Variants in ATP6V0A4 observed in about 807,000 individuals in gnomAD.
ATP6V0A4 encodes V-type proton ATPase 116 kDa subunit a 4.
ATP6V0A4 carries 86 observed loss-of-function variants against 107.3 expected under a neutral mutation model. The ratio of observed to expected loss-of-function variants is 0.80; its 90% CI spans 0.67 to 0.96. The LOEUF is 0.96. Among genes scored for constraint, ATP6V0A4 ranks in the 40% least tolerant of loss-of-function variants. ATP6V0A4 has a pLI of 0.00. For missense variants in ATP6V0A4, 908 were observed against 1,045.6 expected (o/e 0.87, Z 1.81); for synonymous variants, 353 against 381.4 (o/e 0.93, Z 0.87).
At chr7:138,760,117 C>T (rs561830280) in intron 7 of ATP6V0A4, among the ~76,000 whole-genome samples, 1 of 152,244 alleles carries the variant, frequency 6.6e-6, no homozygotes, top group East Asian at 1.9e-4. Flanking sequence ...CTTAATCATT[C>T]CAATACTATA....
intron 15 of ATP6V0A4, among the ~76,000 whole-genome samples, chr7:138,734,493 G>T (rs916988874): frequency 2.0e-5 from 3 of 152,088 alleles, no homozygotes; most frequent in Non-Finnish European, 2.9e-5. Context: ...CAAATTGCTG[G>T]AAGGAAACAG....
At chr7:138,797,188 C>T (rs1418736502) in intron 1 of ATP6V0A4, among the ~76,000 whole-genome samples, 1 of 151,762 alleles carries the variant, frequency 6.6e-6, no homozygotes, top group African/African-American at 2.4e-5. Context: ...TCCTTCAAGG[C>T]CCAGGCCAAA....
chr7:138,727,040 G>GA (rs978687073), intron 18 of ATP6V0A4, among the ~76,000 whole-genome samples: 32 of 125,044 alleles, frequency 2.6e-4, no homozygotes, highest in African/African-American at 5.1e-4. Context: ...TTAGTTCCTA[G>GA]AAAAAAAAAA....
intron 5 of ATP6V0A4, among the ~76,000 whole-genome samples, chr7:138,763,994 GTA>G (rs1240631340): frequency 6.9e-6 from 1 of 145,216 alleles, no homozygotes. Flanking sequence ...ATATATATAT[GTA>G]TATATATACA....
At chr7:138,747,621 C>A in intron 12 of ATP6V0A4, 57 bp from the exon 13 acceptor site, 1 of 1,599,494 alleles carries the variant, frequency 6.3e-7, no homozygotes, top group Non-Finnish European at 8.5e-7. Flanking sequence ...GGGCCCCCAC[C>A]TCAGATTCCC....
chr7:138,707,306 A>ATATT (rs1163394874), intron 21 of ATP6V0A4, among the ~76,000 whole-genome samples: 1 of 88,216 alleles, frequency 1.1e-5, no homozygotes, highest in African/African-American at 5.0e-5. Context: ...AAATATATTT[A>ATATT]TATTTATTTA....
intron 5 of ATP6V0A4, 181 bp from the exon 6 acceptor site, chr7:138,763,206 C>T (rs1402412205): frequency 1.9e-5 from 7 of 369,418 alleles, no homozygotes; most frequent in Non-Finnish European, 2.6e-5. Context: ...CACACACACA[C>T]ACACACGTGC....
intron 16 of ATP6V0A4, 129 bp from the exon 17 acceptor site, chr7:138,733,222 G>A (rs1040891264): frequency 2.6e-5 from 38 of 1,463,082 alleles, no homozygotes; most frequent in East Asian, 7.4e-5. Context: ...GGCAAACAAC[G>A]GCACCCCCCA....
intron 2 of ATP6V0A4, among the ~76,000 whole-genome samples, chr7:138,777,498 C>T (rs1278040491): frequency 6.6e-6 from 1 of 151,836 alleles, no homozygotes; most frequent in Non-Finnish European, 1.5e-5. Context: ...TGCCTGTAAT[C>T]CCAGCTACTC....
chr7:138,745,262 GGAA>G lies in ATP6V0A4; in HGVS notation c.1336_1338del (p.Phe446del), dbSNP rs1805856050. 4.3e-6 allele frequency: 7 copies of G among 1,614,082 alleles called. No individual in the cohort carries two copies. The highest frequency in any genetic ancestry group is 5.9e-6 in the Non-Finnish European group (7 of 1,179,978). ...ATAAGTAGGATCAGATAGCGCCCGT[GGAA>G]GAAGGTGTTCCAAATCTGGCCTCAG... On this transcript the variant is annotated inframe_deletion, in exon 14 of 22. Transcript: ENST00000310018.
At chr7:138,766,028 A>T (rs1432420699) in intron 5 of ATP6V0A4, among the ~76,000 whole-genome samples, 2 of 152,140 alleles carry the variant, frequency 1.3e-5, no homozygotes, top group East Asian at 1.9e-4. Flanking sequence ...CTGGGATTAC[A>T]GGCATGAGCC....
intron 2 of ATP6V0A4, among the ~76,000 whole-genome samples, chr7:138,776,784 C>T (rs563026134): frequency 1.3e-5 from 2 of 152,306 alleles, no homozygotes; most frequent in East Asian, 3.9e-4. Flanking sequence ...CATGCGTGAC[C>T]TTGGGAAAGC....
chr7:138,787,416 A>C (rs1196153612), intron 1 of ATP6V0A4, among the ~76,000 whole-genome samples: 1 of 152,186 alleles, frequency 6.6e-6, no homozygotes, highest in African/African-American at 2.4e-5. Context: ...AAGTGACAAC[A>C]TGAAAACTGG....
intron 17 of ATP6V0A4, among the ~76,000 whole-genome samples, chr7:138,731,426 T>C (rs930507740): frequency 2.9e-4 from 44 of 152,182 alleles, no homozygotes; most frequent in Admixed American, 2.9e-3. Context: ...TCCAGAGGAA[T>C]CAGGACCTAT....
At chr7:138,771,398 G>GA in intron 2 of ATP6V0A4, 134 bp from the exon 3 acceptor site, 27 of 886,514 alleles carry the variant, frequency 3.0e-5, no homozygotes, top group African/African-American at 3.7e-5. Context: ...GATTTTAGGA[G>GA]ACTTTTTTTT....
At chr7:138,770,010 C>T (rs1449745964) in intron 3 of ATP6V0A4, among the ~76,000 whole-genome samples, 1 of 152,078 alleles carries the variant, frequency 6.6e-6, no homozygotes, top group Non-Finnish European at 1.5e-5. Flanking sequence ...GTGATTGTGC[C>T]ACTGCACTCC....
At chr7:138,759,909 A>C (rs1806714187) in intron 7 of ATP6V0A4, 31 bp from the exon 8 acceptor site, 1 of 1,613,726 alleles carries the variant, frequency 6.2e-7, no homozygotes, top group African/African-American at 1.3e-5. Flanking sequence ...ACATTCCTTA[A>C]GGCACAGGGA....
chr7:138,756,561 A>T (rs1017661455), intron 8 of ATP6V0A4, 21 bp from the exon 9 acceptor site: 2 of 1,526,240 alleles, frequency 1.3e-6, no homozygotes, highest in Admixed American at 3.5e-5. Flanking sequence ...AGAATAAGTT[A>T]AAAAAAAAGG....
chr7:138,774,416 T>C (rs1440421163), intron 2 of ATP6V0A4, among the ~76,000 whole-genome samples: 1 of 151,584 alleles, frequency 6.6e-6, no homozygotes, highest in Admixed American at 6.6e-5. Context: ...CTGTCTCTAC[T>C]AAAAATACGA....
Sources: allele counts gnomAD v4.1 joint callset (sites outside exome capture counted in the v4.1 genomes callset), GRCh38; gene constraint gnomAD v4.1.1; transcripts MANE v1.5; gene names NCBI Gene and HGNC (gene_info 2026-07-23, HGNC 2026-07-21).